Variants in DZIP3 observed in about 807,000 individuals in gnomAD.
DZIP3 encodes the protein DAZ interacting zinc finger protein 3, also known as E3 ubiquitin-protein ligase DZIP3.
Under a neutral mutation model 162.0 loss-of-function variants are expected in DZIP3, and 118 were observed. That is an observed-to-expected ratio of 0.73 (90% CI 0.63 to 0.85). The LOEUF is 0.85. Among genes scored for constraint, DZIP3 ranks in the 40% least tolerant of loss-of-function variants. The pLI is 0.00. For missense variants in DZIP3, 1,331 were observed against 1,407.0 expected (o/e 0.95, Z 0.86); for synonymous variants, 438 against 458.6 (o/e 0.96, Z 0.57).
rs1943450417 is a variant in DZIP3 at position 108,661,854 on chromosome 3, T to C, written c.2200-23T>C. Reference sequence around the variant, plus strand: ...ATTTTTTTTTGAGGAAAATAATACATGCATATTTCCTGTGCTCAATAGGGC... The same window carrying C: ...ATTTTTTTTTGAGGAAAATAATACACGCATATTTCCTGTGCTCAATAGGGC... On this transcript the variant is annotated intron_variant, in intron 19 of 32. Coordinates refer to ENST00000361582, the MANE Select transcript of DZIP3 (RefSeq NM_014648.4). 2.5e-6 allele frequency: 4 copies of C among 1,582,518 alleles called. No individual in the cohort carries two copies. The East Asian group carries it at 9.0e-5, about 35-fold the overall frequency.
rs779807969 is a variant in DZIP3, at chr3:108,647,968, T to A, written c.1818T>A (p.Asn606Lys). 2 of 1,577,200 alleles carry A rather than the reference T, an allele frequency of 1.3e-6. No homozygotes were observed. The highest frequency in any genetic ancestry group is 1.9e-5 in the Admixed American group (1 of 51,896). Reference sequence around the variant, plus strand: ...GTATTGAAATAGAAGAGTTACAGAATGAGGAAGAAGAACTAAGTCCACCTC... The same window carrying A: ...GTATTGAAATAGAAGAGTTACAGAAAGAGGAAGAAGAACTAAGTCCACCTC... ...SQRIEIEELQ[N>K]EEEELSPPLM... The change falls in exon 16 of 33, where the codon AAT (asparagine) becomes AAA (lysine). Residue 606 changes from asparagine to lysine, a missense_variant. Asn to Lys is a moderately conservative substitution (Grantham distance 94). Coordinates refer to ENST00000361582, the MANE Select transcript of DZIP3 (RefSeq NM_014648.4).
At chr3:108,658,470 C>T (rs1335232370) in intron 19 of DZIP3, among the ~76,000 whole-genome samples, 1 of 152,070 alleles carries the variant, frequency 6.6e-6, no homozygotes, top group Admixed American at 6.5e-5. Context: ...ATACCAGAAT[C>T]TCTGGGACAC....
In DZIP3 at chr3:108,625,861, A is replaced by C. The variant is rs763834600; in HGVS notation, c.473A>C (p.Glu158Ala). ...TTACTACAGGATTATACAGAAGCTG[A>C]GAATAAATTTCTGGTGATGAAGATG... ...RGKKEDYTEA[E>A]NKFLVMKMMI... Residue 158 changes from glutamate (E) to alanine (A), a missense_variant, in exon 7 of 33, where the codon GAG becomes GCG. Physicochemically the swap from Glu to Ala is moderately radical, Grantham distance 107. Around this residue, in one of 2 missense-constraint regions of DZIP3, gnomAD observed 1,278 missense variants for 1,317.1 expected, o/e 0.97. Coordinates refer to ENST00000361582, the MANE Select transcript of DZIP3 (RefSeq NM_014648.4). The C allele has an allele frequency of 1.2e-6, 2 of 1,612,576 alleles. No homozygotes were observed. Among genetic ancestry groups the C allele is most frequent in the Non-Finnish European group, 1.7e-6 (2 of 1,179,378 alleles).
At chr3:108,613,732 T>C (rs1399588343) in intron 4 of DZIP3, among the ~76,000 whole-genome samples, 1 of 152,180 alleles carries the variant, frequency 6.6e-6, no homozygotes, top group Non-Finnish European at 1.5e-5. Context: ...ATTGGCCATA[T>C]GCTAGGTCAC....
rs1944089716 is a variant in DZIP3, at chr3:108,675,870, C to T, written c.2778C>T (p.Leu926=). The T allele has an allele frequency of 6.2e-7, 1 of 1,608,730 alleles. No individual in the cohort carries two copies. Among genetic ancestry groups the T allele is most frequent in the South Asian group, 1.1e-5 (1 of 90,524 alleles). ...VADVRNKIAF[L]RTQYNEQINK... is the part of the protein sequence containing the mutation. ...ATGTTAGAAACAAGATTGCATTCCTCAGGGTAAGTCCTGAAGTATATTTGG... is the reference window on the plus strand; with the variant it reads ...ATGTTAGAAACAAGATTGCATTCCTTAGGGTAAGTCCTGAAGTATATTTGG... The change falls in exon 25 of 33, where the codon CTC becomes CTT. Residue 926 remains leucine, a synonymous_variant. Transcript: ENST00000361582.
chr3:108,644,679 A>G lies in DZIP3; in HGVS notation c.1657A>G (p.Asn553Asp). ...AGAGGATATTGACAAAGTGAAGGAG[A>G]ATCCCATTGAGAATATCTCCCTTGA... ...MQEDIDKVKENPIENISLDYH... is the reference protein window; with the variant it reads ...MQEDIDKVKEDPIENISLDYH... The change falls in exon 14 of 33, where the codon AAT (asparagine) becomes GAT (aspartate). Residue 553 changes from asparagine to aspartate, a missense_variant. This residue lies in a region of DZIP3 where 1,278 missense variants were observed against 1,317.1 expected (regional missense o/e 0.97). Coordinates refer to ENST00000361582, the MANE Select transcript of DZIP3 (RefSeq NM_014648.4). 1.2e-6 allele frequency: 2 copies of G among 1,613,832 alleles called. No homozygotes were observed. Among genetic ancestry groups the G allele is most frequent in the Non-Finnish European group, 1.7e-6 (2 of 1,179,932 alleles).
chr3:108,599,566 A>G (rs933944028), intron 1 of DZIP3, among the ~76,000 whole-genome samples: 5 of 152,234 alleles, frequency 3.3e-5, no homozygotes, highest in African/African-American at 9.6e-5. Context: ...GCTCACTAAC[A>G]TACGAGAAAT....
rs879345971 is a variant in DZIP3, at chr3:108,693,834, C to A, written c.*481C>A. 2.0e-5 allele frequency: 3 copies of A among 151,958 alleles called. No homozygotes were observed. Among genetic ancestry groups the A allele is most frequent in the African/African-American group, 7.2e-5 (3 of 41,382 alleles). The allele number at this position is 151,958 out of a possible 1,614,324, so 9.4% of individuals were successfully genotyped here. On this transcript the variant is annotated 3_prime_UTR_variant, in exon 33 of 33. Coordinates refer to ENST00000361582, the MANE Select transcript of DZIP3 (RefSeq NM_014648.4). ...AAGTCTGTAATTTCAGTTTTTGTGT[C>A]GGGGAGAGGGAAAAACTATTTGTCT... is the stretch of plus-strand genomic sequence containing the variant.
intron 18 of DZIP3, 138 bp from the exon 19 acceptor site, chr3:108,654,007 C>G: frequency 1.2e-6 from 1 of 845,592 alleles, no homozygotes; most frequent in Non-Finnish European, 1.8e-6. Context: ...GAGCACTATC[C>G]AAACTTCCTT....
At chr3:108,676,678 T>C (rs1471330171) in intron 25 of DZIP3, among the ~76,000 whole-genome samples, 3 of 152,042 alleles carry the variant, frequency 2.0e-5, no homozygotes, top group Non-Finnish European at 2.9e-5. Context: ...CCAACTCCCT[T>C]GGGGGTTTTC....
In DZIP3 at chr3:108,686,504, A is replaced by G. The variant is rs1196842683; in HGVS notation, c.3069A>G (p.Ala1023=). 2.5e-6 allele frequency: 4 copies of G among 1,612,368 alleles called. No homozygotes were observed. In the South Asian group the frequency reaches 3.3e-5, roughly 13 times the overall value. Residue 1023 remains alanine (A), a synonymous_variant, in exon 28 of 33, where the codon GCA becomes GCG. Transcript: ENST00000361582. ...APVGDAVPPS[A]GLRSDPSIMN... is the part of the protein sequence containing the mutation. The stretch of plus-strand genomic sequence containing the variant: ...TGGGAGACGCTGTGCCTCCCAGTGC[A>G]GGTCTGCGGAGTGATCCCTCCATCA...
chr3:108,667,838 A>G (rs901699740), intron 21 of DZIP3, among the ~76,000 whole-genome samples: 2 of 152,130 alleles, frequency 1.3e-5, no homozygotes, highest in South Asian at 4.1e-4. Context: ...ACTTCCTTCA[A>G]TGAAGAACTT....
chr3:108,653,508 T>TGTGTATA (rs778422552), intron 18 of DZIP3, among the ~76,000 whole-genome samples: 1 of 2,880 alleles, frequency 3.5e-4, no homozygotes, highest in African/African-American at 4.3e-4. Flanking sequence ...TGTGTGTGTG[T>TGTGTATA]ATATATATAT....
At chr3:108,599,193 A>G (rs1939862868) in intron 1 of DZIP3, among the ~76,000 whole-genome samples, 1 of 152,224 alleles carries the variant, frequency 6.6e-6, no homozygotes, top group Non-Finnish European at 1.5e-5. Flanking sequence ...GATCTTTGCA[A>G]AGTGGCAAGA....
At chr3:108,685,442 A>G (rs1944464151) in intron 27 of DZIP3, among the ~76,000 whole-genome samples, 1 of 152,170 alleles carries the variant, frequency 6.6e-6, no homozygotes, top group East Asian at 1.9e-4. Flanking sequence ...TTTCATGAAT[A>G]ATAACCTAAT....
chr3:108,674,258 T>A (rs1007234047), intron 24 of DZIP3, 77 bp downstream of exon 24: 1 of 1,297,588 alleles, frequency 7.7e-7, no homozygotes, highest in Non-Finnish European at 1.1e-6. Context: ...ATATAATCTG[T>A]GATGTGTTTT....
At position 108,688,110 on chromosome 3, in the gene DZIP3, A is replaced by G. The variant is rs780539392; in HGVS notation, c.3270+14A>G. 1 of 1,612,612 alleles carries G rather than the reference A, an allele frequency of 6.2e-7. No homozygotes were observed. On this transcript the variant is annotated intron_variant, in intron 29 of 32. Coordinates refer to ENST00000361582, the MANE Select transcript of DZIP3 (RefSeq NM_014648.4). ...AAAAAGTCTCAGGTAAAATGCAAAA[A>G]CAACCAAAAAACCTGTATCTCTCTG...
intron 29 of DZIP3, 93 bp downstream of exon 29, chr3:108,688,189 A>C: frequency 7.0e-7 from 1 of 1,437,958 alleles, no homozygotes. Context: ...TGTTCAGAAA[A>C]TCAGTAACTT....
chr3:108,593,085 T>G (rs1035046201), intron 1 of DZIP3, among the ~76,000 whole-genome samples: 1 of 152,270 alleles, frequency 6.6e-6, no homozygotes, highest in Non-Finnish European at 1.5e-5. Context: ...CTAAAAAATG[T>G]CTGCCAAAAA....
Sources: allele counts gnomAD v4.1 joint callset (sites outside exome capture counted in the v4.1 genomes callset), GRCh38; gene constraint gnomAD v4.1.1; regional missense constraint gnomAD v4.1.1; transcripts MANE v1.5; gene names NCBI Gene and HGNC (gene_info 2026-07-23, HGNC 2026-07-21).